The following OLA1 variants were observed in gnomAD, a reference collection of about 807,000 sequenced individuals.
OLA1 encodes Obg like ATPase 1.
Under a neutral mutation model 48.4 loss-of-function variants are expected in OLA1, and 14 were observed. The observed-to-expected ratio is 0.29, with a 90% CI of 0.19 to 0.45. The LOEUF is 0.45. OLA1 is among the 20% of genes least tolerant of loss of function. OLA1 has a pLI of 1.00. For missense variants in OLA1, 325 were observed against 467.1 expected (o/e 0.70, Z 2.80); for synonymous variants, 127 against 150.4 (o/e 0.84, Z 1.14).
intron 7 of OLA1, among the ~76,000 whole-genome samples, chr2:174,114,972 A>G (rs1685746935): frequency 6.6e-6 from 1 of 152,136 alleles, no homozygotes; most frequent in Non-Finnish European, 1.5e-5. Flanking sequence ...CTTACAAAAA[A>G]TACAAAAACT....
At chr2:174,219,206 G>C (rs939347162) in intron 4 of OLA1, among the ~76,000 whole-genome samples, 1 of 151,164 alleles carries the variant, frequency 6.6e-6, no homozygotes, top group Non-Finnish European at 1.5e-5. Flanking sequence ...ACTTTGGCAG[G>C]CCAAGGCGGA....
chr2:174,098,143 C>T (rs1685301193), intron 7 of OLA1, among the ~76,000 whole-genome samples: 1 of 152,110 alleles, frequency 6.6e-6, no homozygotes, highest in South Asian at 2.1e-4. Flanking sequence ...AGTTTAGTTA[C>T]AAATAGGCAC....
intron 5 of OLA1, among the ~76,000 whole-genome samples, chr2:174,129,990 A>T (rs974788073): frequency 6.6e-6 from 1 of 152,210 alleles, no homozygotes; most frequent in African/African-American, 2.4e-5. Context: ...GACAGCCAAC[A>T]ATGCACTCAG....
At chr2:174,221,114 G>C (rs1017806783) in intron 4 of OLA1, among the ~76,000 whole-genome samples, 4 of 151,966 alleles carry the variant, frequency 2.6e-5, no homozygotes, top group Admixed American at 1.3e-4. Flanking sequence ...TCAATTCTAA[G>C]ATGCGTATTT....
rs751096481 is a variant in OLA1, at chr2:174,081,118, C to T, written c.966+34G>A. 4 of 1,530,388 alleles carry T rather than the reference C, an allele frequency of 2.6e-6. No homozygotes were observed. The South Asian group carries it at 3.4e-5, about 13-fold the overall frequency. 94.8% of individuals were successfully genotyped at this position (1,530,388 alleles called of 1,614,324 possible). On this transcript the variant is annotated intron_variant, in intron 9 of 10. Coordinates refer to ENST00000284719, the MANE Select transcript of OLA1 (RefSeq NM_013341.5). Reference sequence around the variant, plus strand: ...TCAATCTGAATTCAATAGTGTGGAACTGGATATAGCTGATGAATAAGTATG... The same window carrying T: ...TCAATCTGAATTCAATAGTGTGGAATTGGATATAGCTGATGAATAAGTATG...
chr2:174,093,594 T>C (rs967320345), intron 7 of OLA1, among the ~76,000 whole-genome samples: 3 of 152,230 alleles, frequency 2.0e-5, no homozygotes, highest in African/African-American at 7.2e-5. Flanking sequence ...CAACACTTTG[T>C]ACTCGGACGT....
chr2:174,243,270 T>C (rs978737662), intron 2 of OLA1, among the ~76,000 whole-genome samples: 4 of 152,178 alleles, frequency 2.6e-5, no homozygotes, highest in Non-Finnish European at 5.9e-5. Flanking sequence ...CTACAAACAA[T>C]ACAAAAATTA....
At chr2:174,139,877 A>G (rs996304145) in intron 5 of OLA1, among the ~76,000 whole-genome samples, 6 of 144,456 alleles carry the variant, frequency 4.2e-5, no homozygotes, top group Non-Finnish European at 6.1e-5. Context: ...AAAAAAAAAA[A>G]AAAGAAAGAA....
chr2:174,193,035 G>C (rs1309489105), intron 4 of OLA1, among the ~76,000 whole-genome samples: 1 of 149,704 alleles, frequency 6.7e-6, no homozygotes, highest in African/African-American at 2.5e-5. Context: ...ATGGTTTTGT[G>C]TCTCATTAAT....
intron 7 of OLA1, among the ~76,000 whole-genome samples, chr2:174,083,395 C>T (rs1045858363): frequency 6.6e-6 from 1 of 151,964 alleles, no homozygotes; most frequent in East Asian, 1.9e-4. Context: ...AACAATCACA[C>T]AAGAGTTTGT....
At chr2:174,207,126 A>G (rs948912613) in intron 4 of OLA1, among the ~76,000 whole-genome samples, 4 of 152,204 alleles carry the variant, frequency 2.6e-5, no homozygotes, top group Admixed American at 2.6e-4. Flanking sequence ...AACTTAACCT[A>G]AGTTGGGGGG....
At chr2:174,190,944 CAAAAAA>C (rs774971306) in intron 4 of OLA1, among the ~76,000 whole-genome samples, 2 of 32,908 alleles carry the variant, frequency 6.1e-5, no homozygotes, top group Admixed American at 4.0e-4. Flanking sequence ...GACTTCGTCT[CAAAAAA>C]AAAAAAAAAA....
At chr2:174,089,026 T>C (rs916393082) in intron 7 of OLA1, among the ~76,000 whole-genome samples, 1 of 152,218 alleles carries the variant, frequency 6.6e-6, no homozygotes, top group African/African-American at 2.4e-5. Context: ...AGTGTGATCA[T>C]ATCACTTGAG....
At chr2:174,078,601 A>T (rs1478787690) in intron 10 of OLA1, among the ~76,000 whole-genome samples, 1 of 151,988 alleles carries the variant, frequency 6.6e-6, no homozygotes, top group African/African-American at 2.4e-5. Flanking sequence ...CTATTCTTGA[A>T]GTAATTATAA....
chr2:174,141,251 G>T (rs986093129), intron 5 of OLA1, among the ~76,000 whole-genome samples: 3 of 152,192 alleles, frequency 2.0e-5, no homozygotes, highest in Admixed American at 6.5e-5. Flanking sequence ...TTTCTTAAAT[G>T]TTAAAGACAA....
intron 4 of OLA1, among the ~76,000 whole-genome samples, chr2:174,177,356 A>T (rs55650030): frequency 1.3e-3 from 203 of 152,268 alleles, no homozygotes; most frequent in Admixed American, 2.5e-3. Context: ...AGCTGTGGTG[A>T]TCTCAAGTCA....
intron 4 of OLA1, among the ~76,000 whole-genome samples, chr2:174,201,315 C>T (rs1439186056): frequency 1.3e-5 from 2 of 152,164 alleles, no homozygotes; most frequent in Non-Finnish European, 2.9e-5. Context: ...CTTCCATTTA[C>T]TAACTTAAGC....
chr2:174,105,024 A>G (rs528073200), intron 7 of OLA1, among the ~76,000 whole-genome samples: 5 of 152,136 alleles, frequency 3.3e-5, no homozygotes, highest in African/African-American at 9.6e-5. Flanking sequence ...ATCTACTGGA[A>G]ATTTTTGCAT....
At chr2:174,203,249 C>T (rs1402591106) in intron 4 of OLA1, among the ~76,000 whole-genome samples, 1 of 152,028 alleles carries the variant, frequency 6.6e-6, no homozygotes, top group African/African-American at 2.4e-5. Flanking sequence ...CCATAAATTA[C>T]AATGTTAGCA....
Sources: allele counts gnomAD v4.1 joint callset (sites outside exome capture counted in the v4.1 genomes callset), GRCh38; gene constraint gnomAD v4.1.1; transcripts MANE v1.5; gene names NCBI Gene and HGNC (gene_info 2026-07-23, HGNC 2026-07-21).